The following AHSA1 variants were observed in gnomAD, a reference collection of about 807,000 sequenced individuals.
AHSA1 encodes activator of HSP90 ATPase activity 1.
Under a neutral mutation model 46.1 loss-of-function variants are expected in AHSA1, and 14 were observed. That is an observed-to-expected ratio of 0.30 (90% CI 0.20 to 0.47). AHSA1 has a LOEUF of 0.47. AHSA1 is among the 20% of genes least tolerant of loss of function. The pLI, the probability that AHSA1 is intolerant of heterozygous loss-of-function variation, is 0.99. For missense variants in AHSA1, 333 were observed against 415.9 expected (o/e 0.80, Z 1.73); for synonymous variants, 147 against 145.8 (o/e 1.01, Z -0.06).
Position 77,463,140 on chromosome 14 carries a change from T to G in AHSA1, c.472+381T>G, listed in dbSNP as rs537240158. 6.6e-5 allele frequency: 14 copies of G among 213,188 alleles called. 1 individual carries two copies. In the South Asian group the frequency reaches 1.1e-3, roughly 16 times the overall value. 13.2% of individuals were successfully genotyped at this position (213,188 alleles called of 1,614,324 possible). On this transcript the variant is annotated intron_variant, in intron 4 of 8. Coordinates refer to ENST00000216479, the MANE Select transcript of AHSA1 (RefSeq NM_012111.3). ...ACAAAAAATACAAAAATTAGCTGGA[T>G]GCGGTGGCCCATGCCTGTAATCCCA...
At chr14:77,464,221 A>T (rs2079038315) in intron 4 of AHSA1, among the ~76,000 whole-genome samples, 1 of 152,160 alleles carries the variant, frequency 6.6e-6, no homozygotes, top group Non-Finnish European at 1.5e-5. Context: ...TACTAAAAAT[A>T]CAAAAATTAG....
chr14:77,464,222 C>T (rs12894112), intron 4 of AHSA1, among the ~76,000 whole-genome samples: 16,712 of 152,068 alleles, frequency 0.11, 1,107 homozygotes, highest in Middle Eastern at 0.3. Flanking sequence ...ACTAAAAATA[C>T]AAAAATTAGC....
At position 77,458,188 on chromosome 14, in the gene AHSA1, C is replaced by T. The variant is rs2078995508; in HGVS notation, c.-2C>T. On this transcript the variant is annotated 5_prime_UTR_variant, in exon 1 of 9. Coordinates refer to ENST00000216479, the MANE Select transcript of AHSA1 (RefSeq NM_012111.3). ...GCTGGTGGCGCCGCGATAGGAGAGC[C>T]GATGGCCAAGTGGGGTGAGGGAGAC... The T allele has an allele frequency of 6.5e-7, 1 of 1,529,808 alleles. No homozygotes were observed. The allele number at this position is 1,529,808 out of a possible 1,614,324, so 94.8% of individuals were successfully genotyped here.
At chr14:77,460,844 G>T (rs1326511984) in intron 2 of AHSA1, among the ~76,000 whole-genome samples, 4 of 151,246 alleles carry the variant, frequency 2.6e-5, no homozygotes, top group African/African-American at 4.9e-5. Context: ...GCATAGTTTT[G>T]TGCACATTAA....
At chr14:77,461,627 C>T (rs10148427) in intron 2 of AHSA1, among the ~76,000 whole-genome samples, 4 of 152,096 alleles carry the variant, frequency 2.6e-5, no homozygotes, top group African/African-American at 7.2e-5. Context: ...ACATTACACT[C>T]GTTGAGGATG....
Position 77,469,302 on chromosome 14 carries a change from T to A in AHSA1, c.*53T>A. 1 of 1,583,734 alleles carries A rather than the reference T, an allele frequency of 6.3e-7. No homozygotes were observed. The highest frequency in any genetic ancestry group is 1.8e-5 in the Admixed American group (1 of 56,340). ...TGGACACTTCAGTCCAGCTCTCTCC[T>A]GACTGGGGCTTGCGACTCACAGGAT... On this transcript the variant is annotated 3_prime_UTR_variant, in exon 9 of 9. Transcript: ENST00000216479.
rs537081398 is a variant in AHSA1 at position 77,459,997 on chromosome 14, T to C, written c.271+191T>C. ...ATTGTGGGATGCTAAATGGATTTCC[T>C]GTGTCTGGGTCTCATAAGTCCCATC... is the stretch of plus-strand genomic sequence containing the variant. On this transcript the variant is annotated intron_variant, in intron 2 of 8. Transcript: ENST00000216479. 44 of 643,232 alleles carry C rather than the reference T, an allele frequency of 6.8e-5. 1 individual carries two copies. The South Asian group carries it at 7.8e-4, about 11-fold the overall frequency. 39.8% of individuals were successfully genotyped at this position (643,232 alleles called of 1,614,324 possible).
intron 6 of AHSA1, among the ~76,000 whole-genome samples, chr14:77,467,812 T>C (rs1290228060): frequency 1.3e-5 from 2 of 152,248 alleles, no homozygotes; most frequent in Non-Finnish European, 2.9e-5. Context: ...ATAAGCTCAT[T>C]CTTATATCTT....
At chr14:77,458,347 C>A in intron 1 of AHSA1, 78 bp downstream of exon 1, 1 of 1,453,838 alleles carries the variant, frequency 6.9e-7, no homozygotes, top group South Asian at 1.3e-5. Flanking sequence ...AACCTCGGCC[C>A]GGACAGAGCT....
chr14:77,461,441 A>ATT (rs1401021086), intron 2 of AHSA1, among the ~76,000 whole-genome samples: 1 of 152,138 alleles, frequency 6.6e-6, no homozygotes, highest in Non-Finnish European at 1.5e-5. Context: ...GAAGCAGAAG[A>ATT]ATTGCTTGAA....
chr14:77,461,367 A>G (rs1408420082), intron 2 of AHSA1, among the ~76,000 whole-genome samples: 1 of 151,890 alleles, frequency 6.6e-6, no homozygotes, highest in Non-Finnish European at 1.5e-5. Flanking sequence ...CATCTCTACT[A>G]AAAAATACAA....
chr14:77,460,401 G>A (rs2079016393), intron 2 of AHSA1, among the ~76,000 whole-genome samples: 1 of 148,386 alleles, frequency 6.7e-6, no homozygotes, highest in African/African-American at 2.5e-5. Context: ...CTGTGTATGG[G>A]GCAAAGCATG....
chr14:77,468,948 T>G (rs1181075373), intron 8 of AHSA1, 129 bp from the exon 9 acceptor site: 1 of 1,023,736 alleles, frequency 9.8e-7, no homozygotes, highest in African/African-American at 1.6e-5. Context: ...CCTCTGGTGA[T>G]CCGCCCACCT....
intron 5 of AHSA1, 145 bp downstream of exon 5, chr14:77,464,831 G>C: frequency 1.5e-6 from 1 of 659,382 alleles, no homozygotes; most frequent in Admixed American, 3.3e-5. Context: ...CAGAGCGCCT[G>C]CAATATGCAT....
intron 7 of AHSA1, 106 bp from the exon 8 acceptor site, chr14:77,468,351 T>A: frequency 1.6e-6 from 2 of 1,247,462 alleles, no homozygotes; most frequent in Non-Finnish European, 2.3e-6. Flanking sequence ...GCAAGTAATA[T>A]AATTGCACAG....
chr14:77,467,954 G>A lies in AHSA1; in HGVS notation c.691-129G>A, dbSNP rs998808230. ...CAGAATAGAGGGACACCCTGGACCC[G>A]CCTGTGGGGCAGACTGGTGGAAATG... On this transcript the variant is annotated intron_variant, in intron 6 of 8. Coordinates refer to ENST00000216479, the MANE Select transcript of AHSA1 (RefSeq NM_012111.3). 1.8e-4 allele frequency: 115 copies of A among 644,662 alleles called. No homozygotes were observed. In the Middle Eastern group the frequency reaches 3.0e-3, roughly 17 times the overall value. The allele number at this position is 644,662 out of a possible 1,614,324, so 39.9% of individuals were successfully genotyped here.
Position 77,459,674 on chromosome 14 carries a change from G to T in AHSA1, c.139G>T (p.Val47Leu). The change falls in exon 2 of 9, where the codon GTG becomes TTG. Residue 47 changes from valine to leucine, a missense_variant. Val to Leu is a conservative substitution (Grantham distance 32, BLOSUM62 1). Transcript: ENST00000216479. ...TDKLKTLFLAVQVQNEEGKCE... is the reference protein window; with the variant it reads ...TDKLKTLFLALQVQNEEGKCE... ...TAAGCTGAAAACACTGTTCCTGGCAGTGCAGGTTCAAAATGAAGAAGGCAA... is the reference window on the plus strand; with the variant it reads ...TAAGCTGAAAACACTGTTCCTGGCATTGCAGGTTCAAAATGAAGAAGGCAA... 1 of 1,614,238 alleles carries T rather than the reference G, an allele frequency of 6.2e-7. No homozygotes were observed. Among genetic ancestry groups the T allele is most frequent in the Non-Finnish European group, 8.5e-7 (1 of 1,180,050 alleles).
At chr14:77,461,261 C>A (rs1372730842) in intron 2 of AHSA1, among the ~76,000 whole-genome samples, 1 of 149,698 alleles carries the variant, frequency 6.7e-6, no homozygotes, top group African/African-American at 2.5e-5. Flanking sequence ...CCAGGCGCGG[C>A]GGCTCACGCC....
intron 8 of AHSA1, 137 bp from the exon 9 acceptor site, chr14:77,468,940 T>G: frequency 1.0e-6 from 1 of 954,112 alleles, no homozygotes. Context: ...ACTCCTGACC[T>G]CTGGTGATCC....
Sources: gnomAD v4.1 joint callset for allele counts (sites outside exome capture counted in the v4.1 genomes callset) on GRCh38, gnomAD v4.1.1 for gene constraint, MANE v1.5 for transcripts, NCBI Gene and HGNC (gene_info 2026-07-23, HGNC 2026-07-21) for gene names.